The following USP47 variants were observed in gnomAD, a reference collection of about 807,000 sequenced individuals.
USP47 encodes the protein ubiquitin specific peptidase 47.
USP47 carries 35 observed loss-of-function variants against 165.1 expected under a neutral mutation model. The ratio of observed to expected loss-of-function variants is 0.21; its 90% CI spans 0.16 to 0.28. The LOEUF (loss-of-function observed/expected upper bound fraction) is 0.28, where lower values mean the gene tolerates loss of function less well. USP47 is among the 10% of genes least tolerant of loss of function. USP47 has a pLI of 1.00. For synonymous variants in USP47, 531 were observed against 544.5 expected, an observed-to-expected ratio of 0.98 and a Z score of 0.35; for missense variants, 1,277 against 1,607.4, an observed-to-expected ratio of 0.79 and a Z score of 3.52.
Position 11,877,064 on chromosome 11 carries a change from C to A in USP47, c.40-3113C>A, listed in dbSNP as rs531716446. On this transcript the variant is annotated intron_variant, in intron 1 of 27. Coordinates refer to ENST00000527733, the MANE Select transcript of USP47 (RefSeq NM_001282659.2). ...CCTAATTTCCCATTTCCAGAAAAAACCTTTTTACATTTAAATGTTTTGGAA... is the reference window on the plus strand; with the variant it reads ...CCTAATTTCCCATTTCCAGAAAAAAACTTTTTACATTTAAATGTTTTGGAA... 4.6e-5 allele frequency among the ~76,000 whole-genome samples: 7 copies of A among 152,082 alleles called. No individual in the cohort carries two copies. In the East Asian group the frequency reaches 7.7e-4, roughly 17 times the overall value.
chr11:11,894,880 C>G (rs899278462), intron 4 of USP47, among the ~76,000 whole-genome samples: 4 of 151,744 alleles, frequency 2.6e-5, no homozygotes, highest in African/African-American at 4.9e-5. Flanking sequence ...GGCACCACTT[C>G]TAGCAATTTT....
intron 8 of USP47, among the ~76,000 whole-genome samples, chr11:11,913,276 A>C (rs1431521987): frequency 1.3e-5 from 2 of 149,310 alleles, no homozygotes; most frequent in East Asian, 3.9e-4. Flanking sequence ...AAAAAAAAAA[A>C]ACAACACCTG....
At chr11:11,898,136 CGTGT>C (rs144672685) in intron 5 of USP47, among the ~76,000 whole-genome samples, 1 of 94,038 alleles carries the variant, frequency 1.1e-5, no homozygotes, top group South Asian at 3.5e-4. Flanking sequence ...CGTGTGTGTG[CGTGT>C]GTGTGTGTGT....
At chr11:11,902,683 A>G in intron 5 of USP47, 32 bp from the exon 6 acceptor site, 1 of 1,365,774 alleles carries the variant, frequency 7.3e-7, no homozygotes, top group Non-Finnish European at 9.7e-7. Context: ...AAATCATTTT[A>G]TAAATACTTT....
At chr11:11,907,342 C>T (rs1408312531) in intron 8 of USP47, among the ~76,000 whole-genome samples, 1 of 152,106 alleles carries the variant, frequency 6.6e-6, no homozygotes, top group Non-Finnish European at 1.5e-5. Context: ...AACACACATG[C>T]GCTAATAGGG....
chr11:11,879,611 G>A (rs1850701045), intron 1 of USP47, among the ~76,000 whole-genome samples: 6 of 152,046 alleles, frequency 3.9e-5, no homozygotes. Context: ...AAGCTTGTCA[G>A]CCCCTGACAC....
intron 3 of USP47, 54 bp from the exon 4 acceptor site, chr11:11,891,914 G>A: frequency 6.4e-7 from 1 of 1,573,644 alleles, no homozygotes; most frequent in South Asian, 1.2e-5. Flanking sequence ...GGTGAATGCT[G>A]TTGTTTCAGC....
intron 1 of USP47, among the ~76,000 whole-genome samples, chr11:11,855,782 A>T (rs1363379412): frequency 6.8e-6 from 1 of 147,204 alleles, no homozygotes; most frequent in Non-Finnish European, 1.5e-5. Flanking sequence ...ATGGCTCCTG[A>T]TTTTATAGAA....
At chr11:11,869,855 T>A (rs1309541028) in intron 1 of USP47, among the ~76,000 whole-genome samples, 1 of 152,220 alleles carries the variant, frequency 6.6e-6, no homozygotes, top group Non-Finnish European at 1.5e-5. Context: ...ACCCTCTTTT[T>A]GCTCTTGCAC....
intron 7 of USP47, among the ~76,000 whole-genome samples, chr11:11,903,915 A>G (rs2134457162): frequency 6.6e-6 from 1 of 152,214 alleles, no homozygotes; most frequent in East Asian, 1.9e-4. Flanking sequence ...GGGTATAGTA[A>G]ATGAAGGTCA....
At position 11,930,601 on chromosome 11, in the gene USP47, T is replaced by G. The variant is rs1018246155; in HGVS notation, c.1596-95T>G. 102 of 973,692 alleles carry G rather than the reference T, an allele frequency of 1.0e-4. No homozygotes were observed. In the African/African-American group the frequency reaches 1.7e-3, roughly 16 times the overall value. The allele number at this position is 973,692 out of a possible 1,614,324, so 60.3% of individuals were successfully genotyped here. The stretch of plus-strand genomic sequence containing the variant: ...ACAGTGACATGATTTTCTAATTGTT[T>G]TTTAAAAAATCACAATTTAAATATT... On this transcript the variant is annotated intron_variant, in intron 13 of 27. Transcript: ENST00000527733.
chr11:11,854,303 A>G (rs1848903966), intron 1 of USP47, among the ~76,000 whole-genome samples: 1 of 146,908 alleles, frequency 6.8e-6, no homozygotes, highest in African/African-American at 2.4e-5. Flanking sequence ...AATACCTTCT[A>G]TTAGATGGGA....
chr11:11,903,954 G>A (rs1852386204), intron 7 of USP47, among the ~76,000 whole-genome samples: 1 of 152,112 alleles, frequency 6.6e-6, no homozygotes, highest in Non-Finnish European at 1.5e-5. Context: ...AGTATATAAG[G>A]TAGCTAGAAG....
intron 21 of USP47, 58 bp downstream of exon 21, chr11:11,948,178 C>G: frequency 3.9e-6 from 6 of 1,529,706 alleles, no homozygotes; most frequent in Non-Finnish European, 5.3e-6. Context: ...GATTTGAGAA[C>G]AGCTTTTACT....
At chr11:11,952,447 T>C (rs982275927) in intron 24 of USP47, 3 of 175,018 alleles carry the variant, frequency 1.7e-5, no homozygotes, top group Non-Finnish European at 3.6e-5. Flanking sequence ...GAAACAAAGA[T>C]TGGAAATCCA....
intron 1 of USP47, among the ~76,000 whole-genome samples, chr11:11,864,745 A>ATAT (rs1849576197): frequency 1.4e-5 from 2 of 146,622 alleles, no homozygotes; most frequent in Non-Finnish European, 3.0e-5. Context: ...TATACATTAT[A>ATAT]GAATATAATC....
chr11:11,932,508 T>C (rs1406032596), intron 14 of USP47, among the ~76,000 whole-genome samples: 1 of 150,422 alleles, frequency 6.6e-6, no homozygotes. Flanking sequence ...AAGATAATAG[T>C]AAACAAATGG....
At chr11:11,888,898 T>A (rs1156482044) in intron 3 of USP47, among the ~76,000 whole-genome samples, 1 of 152,176 alleles carries the variant, frequency 6.6e-6, no homozygotes, top group Non-Finnish European at 1.5e-5. Flanking sequence ...TTGTTCAACA[T>A]ATGCGAATCA....
At chr11:11,930,333 T>A (rs551859398) in intron 13 of USP47, among the ~76,000 whole-genome samples, 1 of 152,286 alleles carries the variant, frequency 6.6e-6, no homozygotes, top group South Asian at 2.1e-4. Context: ...TATAATAACA[T>A]AGTTGAGTAG....
Sources: allele counts gnomAD v4.1 joint callset (sites outside exome capture counted in the v4.1 genomes callset), GRCh38; gene constraint gnomAD v4.1.1; transcripts MANE v1.5; gene names NCBI Gene and HGNC (gene_info 2026-07-23, HGNC 2026-07-21).